Variants in NEK9 observed in about 807,000 individuals in gnomAD.
NEK9 encodes the protein NIMA related kinase 9.
Under a neutral mutation model 123.4 loss-of-function variants are expected in NEK9, and 75 were observed. That is an observed-to-expected ratio of 0.61 (90% confidence interval 0.50 to 0.74). The LOEUF is 0.74. Ranked by LOEUF, NEK9 falls within the 30% of genes least tolerant of loss-of-function variation. The pLI is 0.00. For synonymous variants in NEK9, 438 were observed against 458.7 expected, an observed-to-expected ratio of 0.95 and a Z score of 0.58; for missense variants, 952 against 1,214.4, an observed-to-expected ratio of 0.78 and a Z score of 3.21.
chr14:75,124,938 A>AT (rs34243579), intron 1 of NEK9, among the ~76,000 whole-genome samples: 55,296 of 139,258 alleles, frequency 0.4, 11,835 homozygotes, highest in East Asian at 0.81. Flanking sequence ...ACTCAGCTAA[A>AT]TTTTTTTTTT....
intron 8 of NEK9, among the ~76,000 whole-genome samples, chr14:75,111,640 C>T (rs1439096300): frequency 6.6e-6 from 1 of 152,172 alleles, no homozygotes; most frequent in African/African-American, 2.4e-5. Flanking sequence ...CCTGTAATCC[C>T]AGTACTTTGG....
chr14:75,108,372 C>T (rs1225781551), intron 10 of NEK9, among the ~76,000 whole-genome samples: 3 of 151,690 alleles, frequency 2.0e-5, no homozygotes, highest in East Asian at 1.9e-4. Flanking sequence ...GTGATCCACT[C>T]GCCTCGGCCT....
At chr14:75,104,071 C>T in intron 13 of NEK9, 74 bp from the exon 14 acceptor site, 1 of 1,419,466 alleles carries the variant, frequency 7.0e-7, no homozygotes, top group Non-Finnish European at 9.5e-7. Context: ...CAAATTCTTT[C>T]AAAAGAGACA....
At chr14:75,098,507 G>T (rs994013836) in intron 16 of NEK9, among the ~76,000 whole-genome samples, 1 of 152,104 alleles carries the variant, frequency 6.6e-6, no homozygotes, top group African/African-American at 2.4e-5. Context: ...AATGTATAGG[G>T]GGAATTTAAG....
rs1893910780 is a variant in NEK9 at position 75,082,969 on chromosome 14, A to C, written c.*1595T>G. 2.5e-6 allele frequency: 1 copy of C among 398,560 alleles called. No homozygotes were observed. Among genetic ancestry groups the C allele is most frequent in the Non-Finnish European group, 4.4e-6 (1 of 226,082 alleles). The allele number at this position is 398,560 out of a possible 1,614,324, so 24.7% of individuals were successfully genotyped here. A position where few individuals can be genotyped will look rare whatever the true frequency, so the allele number is the denominator to read the frequency against. ...CTAGGCTTCCCAGAACTGAGAAAAC[A>C]ATGGGAACATCAAACCAAAGAAGAT... On this transcript the variant is annotated 3_prime_UTR_variant, in exon 22 of 22. Transcript: ENST00000238616.
chr14:75,126,803 G>A lies in NEK9; in HGVS notation c.119C>T (p.Ala40Val). ...CTCCTGCTCCGCCGCGCCGCCGCCG[G>A]CTCGCGGCCCCTGACTGGCGCTAGG... The part of the protein sequence containing the change: ...PGPSASQGPR[A>V]GGGAAEQEEL... The change falls in exon 1 of 22, where the codon GCC becomes GTC. Residue 40 changes from alanine to valine, a missense_variant. By Grantham distance (64) the Ala-to-Val change is moderately conservative. Coordinates refer to ENST00000238616, the MANE Select transcript of NEK9 (RefSeq NM_033116.6). 5.9e-6 allele frequency: 9 copies of A among 1,531,564 alleles called. No homozygotes were observed. The highest frequency in any genetic ancestry group is 7.9e-6 in the Non-Finnish European group (9 of 1,139,984). 94.9% of individuals were successfully genotyped at this position (1,531,564 alleles called of 1,614,324 possible).
intron 2 of NEK9, 148 bp from the exon 3 acceptor site, chr14:75,121,322 C>T (rs551426015): frequency 3.4e-6 from 2 of 586,498 alleles, no homozygotes; most frequent in Non-Finnish European, 6.1e-6. Flanking sequence ...CACATGGGCA[C>T]AAAACTCTTC....
chr14:75,121,896 C>A (rs1254633346), intron 2 of NEK9, among the ~76,000 whole-genome samples: 1 of 152,098 alleles, frequency 6.6e-6, no homozygotes, highest in Admixed American at 6.6e-5. Flanking sequence ...TTGGGTTACA[C>A]CTGTGATGCA....
chr14:75,094,320 C>T (rs1894311489), intron 18 of NEK9, among the ~76,000 whole-genome samples: 1 of 152,122 alleles, frequency 6.6e-6, no homozygotes. Flanking sequence ...TGCTATGTTG[C>T]CCAGGCCGGA....
At chr14:75,120,309 GGA>G (rs1895282273) in intron 4 of NEK9, among the ~76,000 whole-genome samples, 199 bp downstream of exon 4, 1 of 152,098 alleles carries the variant, frequency 6.6e-6, no homozygotes, top group African/African-American at 2.4e-5. Context: ...TGGCTACTGA[GGA>G]GACTCTTCCT....
chr14:75,118,739 T>A, intron 5 of NEK9, 91 bp downstream of exon 5: 1 of 778,056 alleles, frequency 1.3e-6, no homozygotes, highest in Non-Finnish European at 2.1e-6. Flanking sequence ...CTTGCAAGAA[T>A]ATTGAGAAAA....
At chr14:75,101,859 G>A (rs1339156751) in intron 14 of NEK9, 94 bp from the exon 15 acceptor site, 5 of 811,926 alleles carry the variant, frequency 6.2e-6, no homozygotes, top group Non-Finnish European at 8.3e-6. Flanking sequence ...TGACCAAAAG[G>A]CCTTTCAAGT....
In NEK9 at chr14:75,113,356, A is replaced by G; in HGVS notation, c.921T>C (p.Leu307=). 6.2e-7 allele frequency: 1 copy of G among 1,613,738 alleles called. No individual in the cohort carries two copies. Among genetic ancestry groups the G allele is most frequent in the Non-Finnish European group, 8.5e-7 (1 of 1,179,650 alleles). The part of the protein sequence containing the change: ...PTADELLDRP[L]LRKRRREMEE... The stretch of plus-strand genomic sequence containing the variant: ...TAATTTACCTCCTGCGTTTCCTGAG[A>G]AGAGGGCGATCTAGAAGTTCATCTG... Residue 307 remains leucine (L), a synonymous_variant, in exon 8 of 22, where the codon CTT becomes CTC. Transcript: ENST00000238616.
intron 10 of NEK9, among the ~76,000 whole-genome samples, chr14:75,108,213 C>T (rs987106303): frequency 2.0e-5 from 3 of 151,864 alleles, no homozygotes; most frequent in African/African-American, 7.3e-5. Flanking sequence ...CAAGCTCTGC[C>T]TCCTGGGTTC....
chr14:75,121,609 G>A lies in NEK9; in HGVS notation c.398-435C>T, dbSNP rs182385406. ...CACGCCTATAATCCCAGCACTTTGGGAGGCTGAGGTGGGCAAATCATTTGG... is the reference window on the plus strand; with the variant it reads ...CACGCCTATAATCCCAGCACTTTGGAAGGCTGAGGTGGGCAAATCATTTGG... On this transcript the variant is annotated intron_variant, in intron 2 of 21. Transcript: ENST00000238616. 1.1e-3 allele frequency among the ~76,000 whole-genome samples: 165 copies of A among 152,332 alleles called. 1 individual carries two copies. The highest frequency in any genetic ancestry group is 4.9e-3 in the Admixed American group (75 of 15,304).
intron 19 of NEK9, among the ~76,000 whole-genome samples, chr14:75,090,751 T>C (rs1894190335): frequency 6.6e-6 from 1 of 152,114 alleles, no homozygotes; most frequent in Admixed American, 6.5e-5. Flanking sequence ...TTTTAAATTT[T>C]TGGTACAGAC....
rs34921975 is a variant in NEK9 at position 75,124,775 on chromosome 14, CTTTTTT to C, written c.220-558_220-553del. Among the ~76,000 whole-genome samples, 97 of 124,992 alleles carry C rather than the reference CTTTTTT, an allele frequency of 7.8e-4. No homozygotes were observed. In the East Asian group the frequency reaches 0.02, roughly 26 times the overall value. The allele number at this position is 124,992 out of a possible 152,430, so 82.0% of individuals were successfully genotyped here. A position where few individuals can be genotyped will look rare whatever the true frequency, so the allele number is the denominator to read the frequency against. The stretch of plus-strand genomic sequence containing the variant: ...TCCTGTAGCTCCTGATGTCTACTAT[CTTTTTT>C]TTTTTTTTTTTTTAAGAGATAGGGT... On this transcript the variant is annotated intron_variant, in intron 1 of 21. Coordinates refer to ENST00000238616, the MANE Select transcript of NEK9 (RefSeq NM_033116.6).
chr14:75,082,606 A>C lies in NEK9; in HGVS notation c.*1958T>G, dbSNP rs1466223109. ...AGGGAAAGGCTCCCCTATGAACAAG[A>C]CCAGGGCACTCACCCACCCCCGGCA... On this transcript the variant is annotated 3_prime_UTR_variant, in exon 22 of 22. Transcript: ENST00000238616. 1 of 187,122 alleles carries C rather than the reference A, an allele frequency of 5.3e-6. No homozygotes were observed. Among genetic ancestry groups the C allele is most frequent in the Admixed American group, 6.2e-5 (1 of 16,258 alleles). The allele number at this position is 187,122 out of a possible 1,614,324, so 11.6% of individuals were successfully genotyped here.
intron 16 of NEK9, 88 bp downstream of exon 16, chr14:75,100,904 T>C (rs1013014619): frequency 5.3e-6 from 7 of 1,324,744 alleles, no homozygotes; most frequent in East Asian, 2.3e-5. Context: ...AATTCAGCTA[T>C]ACAAATAACT....
Sources: gnomAD v4.1 joint callset for allele counts (sites outside exome capture counted in the v4.1 genomes callset) on GRCh38, gnomAD v4.1.1 for gene constraint, MANE v1.5 for transcripts, NCBI Gene and HGNC (gene_info 2026-07-23, HGNC 2026-07-21) for gene names.